Variants in SCHIP1 observed in about 807,000 individuals in gnomAD.
The protein encoded by SCHIP1 is schwannomin interacting protein 1, also known as schwannomin-interacting protein 1.
A neutral mutation model predicts 29.7 loss-of-function variants in SCHIP1; 8 were observed. The observed-to-expected ratio is 0.27, with a 90% CI of 0.16 to 0.49. The LOEUF is 0.49. Among genes scored for constraint, SCHIP1 ranks in the 20% least tolerant of loss-of-function variants. The probability of loss-of-function intolerance (pLI) is 0.99; values close to 1 mark genes in which losing one functional copy is unlikely to be tolerated. For missense variants in SCHIP1, 193 were observed against 294.6 expected, an observed-to-expected ratio of 0.66 and a Z score of 2.52; for synonymous variants, 76 against 94.9, an observed-to-expected ratio of 0.80 and a Z score of 1.16.
chr3:159,667,817 A>G, the SCHIP1 span, among the ~76,000 whole-genome samples: 1 of 152,266 alleles, frequency 6.6e-6, no homozygotes. Context: ...ATCCCAGTAC[A>G]CAAGTACACA....
At chr3:159,412,590 A>T in the SCHIP1 span, among the ~76,000 whole-genome samples, 3 of 152,316 alleles carry the variant, frequency 2.0e-5, 1 homozygote, top group South Asian at 6.2e-4. Flanking sequence ...AGTGCACTAG[A>T]AGAAAATCTA....
the SCHIP1 span, among the ~76,000 whole-genome samples, chr3:159,491,037 T>C: frequency 3.3e-5 from 5 of 152,210 alleles, no homozygotes; most frequent in East Asian, 1.9e-4. Context: ...AGTTTGGACA[T>C]AGACCTTTTG....
At chr3:159,615,050 A>G in the SCHIP1 span, among the ~76,000 whole-genome samples, 4 of 152,220 alleles carry the variant, frequency 2.6e-5, no homozygotes, top group African/African-American at 9.6e-5. Flanking sequence ...GTGGTCAGGA[A>G]AAGTTTCCTC....
At chr3:159,692,558 T>C in the SCHIP1 span, among the ~76,000 whole-genome samples, 1 of 152,262 alleles carries the variant, frequency 6.6e-6, no homozygotes, top group African/African-American at 2.4e-5. Context: ...TCTTGTGCTG[T>C]GTTTTTCAGC....
chr3:159,759,620 C>T, the SCHIP1 span, among the ~76,000 whole-genome samples: 2 of 152,130 alleles, frequency 1.3e-5, no homozygotes, highest in Admixed American at 1.3e-4. Context: ...AAACAAACCC[C>T]AGATGTTCTG....
At chr3:159,309,266 C>T in the SCHIP1 span, 2 of 188,496 alleles carry the variant, frequency 1.1e-5, no homozygotes, top group African/African-American at 2.4e-5. Flanking sequence ...AAAAGGAAAT[C>T]GTATTTAAAA....
the SCHIP1 span, among the ~76,000 whole-genome samples, chr3:159,516,101 C>T: frequency 6.6e-6 from 1 of 152,070 alleles, no homozygotes; most frequent in Non-Finnish European, 1.5e-5. Context: ...GGATCTTAAA[C>T]ATCAGCAGCC....
At chr3:159,428,179 G>A in the SCHIP1 span, among the ~76,000 whole-genome samples, 4 of 151,952 alleles carry the variant, frequency 2.6e-5, no homozygotes, top group Non-Finnish European at 4.4e-5. Context: ...GGCAACAAAA[G>A]CCAAAATTGA....
chr3:159,362,652 T>G, the SCHIP1 span, among the ~76,000 whole-genome samples: 1 of 152,176 alleles, frequency 6.6e-6, no homozygotes, highest in Non-Finnish European at 1.5e-5. Flanking sequence ...GCAGGAAAAC[T>G]GGTCAGGCCC....
the SCHIP1 span, among the ~76,000 whole-genome samples, chr3:159,371,954 C>T: frequency 7.8e-3 from 1,194 of 152,202 alleles, 17 homozygotes; most frequent in African/African-American, 0.028. Context: ...CTATTATTTA[C>T]CTGTGTTAAT....
the SCHIP1 span, among the ~76,000 whole-genome samples, chr3:159,359,906 A>G: frequency 2.0e-5 from 3 of 152,208 alleles, no homozygotes; most frequent in African/African-American, 7.2e-5. Flanking sequence ...GTTATTGCAA[A>G]CAGCAGGCCT....
chr3:159,618,097 T>C, the SCHIP1 span, among the ~76,000 whole-genome samples: 1 of 152,200 alleles, frequency 6.6e-6, no homozygotes, highest in African/African-American at 2.4e-5. Context: ...TCCTATCTTA[T>C]CTTCAAAATG....
At chr3:159,866,265 C>G (rs1714614287) in exon 2 of SCHIP1, 1 of 1,613,392 alleles carries the variant, frequency 6.2e-7, no homozygotes, top group South Asian at 1.1e-5. Context: ...AAGTGGGAAG[C>G]CAAGCCTTTC....
chr3:159,731,773 C>T, the SCHIP1 span, among the ~76,000 whole-genome samples: 2 of 152,138 alleles, frequency 1.3e-5, no homozygotes, highest in East Asian at 3.9e-4. Flanking sequence ...TTCACAGTTG[C>T]CAGAAACCAT....
the SCHIP1 span, among the ~76,000 whole-genome samples, chr3:159,512,139 A>C: frequency 3.9e-5 from 6 of 152,290 alleles, no homozygotes; most frequent in East Asian, 3.9e-4. Flanking sequence ...ATAGAAAAAT[A>C]ATGGGAGACA....
At chr3:159,811,008 G>A in the SCHIP1 span, among the ~76,000 whole-genome samples, 147 of 152,290 alleles carry the variant, frequency 9.7e-4, no homozygotes, top group Admixed American at 1.6e-3. Context: ...TGGGCACGAA[G>A]TATAATAGCA....
the SCHIP1 span, among the ~76,000 whole-genome samples, chr3:159,659,785 A>T: frequency 6.6e-6 from 1 of 152,224 alleles, no homozygotes; most frequent in Admixed American, 6.5e-5. Flanking sequence ...AATGATTTCA[A>T]ATGTGTCCTG....
At chr3:159,784,567 C>T in the SCHIP1 span, among the ~76,000 whole-genome samples, 3 of 152,340 alleles carry the variant, frequency 2.0e-5, no homozygotes, top group East Asian at 3.9e-4. Flanking sequence ...ATCCTGGTGA[C>T]GTGGGCTTTC....
At chr3:159,622,271 G>C in the SCHIP1 span, among the ~76,000 whole-genome samples, 2 of 152,226 alleles carry the variant, frequency 1.3e-5, no homozygotes, top group Non-Finnish European at 2.9e-5. Flanking sequence ...TGAGGTGCAA[G>C]TCCAAGACAG....
Sources: allele counts gnomAD v4.1 joint callset (sites outside exome capture counted in the v4.1 genomes callset), GRCh38; gene constraint gnomAD v4.1.1; transcripts MANE v1.5; gene names NCBI Gene and HGNC (gene_info 2026-07-23, HGNC 2026-07-21).